The following EIF3H variants were observed in gnomAD, a reference collection of about 807,000 sequenced individuals.
The protein encoded by EIF3H is eukaryotic translation initiation factor 3 subunit H.
EIF3H carries 26 observed loss-of-function variants against 44.2 expected under a neutral mutation model. That is an observed-to-expected ratio of 0.59 (90% CI 0.43 to 0.82). The LOEUF (loss-of-function observed/expected upper bound fraction) is 0.82. Among genes scored for constraint, EIF3H ranks in the 40% least tolerant of loss-of-function variants. The probability of loss-of-function intolerance (pLI) is 0.00; values close to 1 mark genes in which losing one functional copy is unlikely to be tolerated. For synonymous variants in EIF3H, 166 were observed against 151.9 expected (o/e 1.09, Z -0.68); for missense variants, 359 against 432.8 (o/e 0.83, Z 1.51).
chr8:116,755,543 A>G, intron 1 of EIF3H, 123 bp downstream of exon 1: 1 of 1,286,398 alleles, frequency 7.8e-7, no homozygotes, highest in Non-Finnish European at 1.1e-6. Context: ...GAAACGTACT[A>G]GGGAAAAACT....
chr8:116,713,661 C>A (rs919707243), intron 2 of EIF3H, among the ~76,000 whole-genome samples: 2 of 151,980 alleles, frequency 1.3e-5, no homozygotes, highest in Non-Finnish European at 2.9e-5. Context: ...AACCAAAAAC[C>A]AAACACATAA....
At chr8:116,654,180 A>G (rs1482489251) in intron 5 of EIF3H, among the ~76,000 whole-genome samples, 1 of 152,228 alleles carries the variant, frequency 6.6e-6, no homozygotes, top group Non-Finnish European at 1.5e-5. Context: ...TACACTTTAA[A>G]TAACTTCATA....
At chr8:116,646,445 C>T in intron 7 of EIF3H, 26 bp downstream of exon 7, 1 of 1,613,918 alleles carries the variant, frequency 6.2e-7, no homozygotes, top group South Asian at 1.1e-5. Context: ...ACAAAACCAG[C>T]CAGGTTTTGC....
chr8:116,704,515 G>A (rs1814435136), intron 2 of EIF3H, among the ~76,000 whole-genome samples: 1 of 152,160 alleles, frequency 6.6e-6, no homozygotes, highest in African/African-American at 2.4e-5. Context: ...AAAATTTCTT[G>A]TTGCTGTGTT....
intron 1 of EIF3H, chr8:116,737,135 C>A: frequency 3.2e-6 from 1 of 316,990 alleles, no homozygotes. Flanking sequence ...TTCACACTAC[C>A]CAATATTCTA....
At chr8:116,750,933 C>G (rs965377973) in intron 1 of EIF3H, among the ~76,000 whole-genome samples, 4 of 151,976 alleles carry the variant, frequency 2.6e-5, no homozygotes, top group Non-Finnish European at 4.4e-5. Flanking sequence ...AAGTATGAGG[C>G]CGGGCACGGT....
rs186683493 is a variant in EIF3H at position 116,693,362 on chromosome 8, T to C, written c.289+32654A>G. Reference sequence around the variant, plus strand: ...TGAGGAGTGCTACTCTTCAGGGCCATTTTTTTTTCCAGAAATAAAGTTTCA... The same window carrying C: ...TGAGGAGTGCTACTCTTCAGGGCCACTTTTTTTTCCAGAAATAAAGTTTCA... On this transcript the variant is annotated intron_variant, in intron 2 of 7. Transcript: ENST00000521861. 1.4e-3 allele frequency among the ~76,000 whole-genome samples: 214 copies of C among 151,816 alleles called. 1 individual carries two copies. Among genetic ancestry groups the C allele is most frequent in the Middle Eastern group, 6.8e-3 (2 of 294 alleles).
chr8:116,666,456 A>G (rs1178871952), intron 2 of EIF3H, among the ~76,000 whole-genome samples: 1 of 152,178 alleles, frequency 6.6e-6, no homozygotes, highest in Non-Finnish European at 1.5e-5. Flanking sequence ...CTTCTTAACC[A>G]AATCATGAAA....
At chr8:116,667,136 T>G (rs2130809483) in intron 2 of EIF3H, among the ~76,000 whole-genome samples, 1 of 152,298 alleles carries the variant, frequency 6.6e-6, no homozygotes, top group East Asian at 1.9e-4. Context: ...AATCAGGCCA[T>G]GGATATTCTG....
chr8:116,692,525 C>T (rs939197979), intron 2 of EIF3H, among the ~76,000 whole-genome samples: 36 of 152,282 alleles, frequency 2.4e-4, no homozygotes, highest in African/African-American at 8.2e-4. Flanking sequence ...TCTAACCTAA[C>T]TGGAACTTGA....
chr8:116,754,531 T>C (rs929435980), intron 1 of EIF3H, among the ~76,000 whole-genome samples: 5 of 152,242 alleles, frequency 3.3e-5, no homozygotes, highest in Non-Finnish European at 7.3e-5. Context: ...TAATCATAAT[T>C]AACATTAAGT....
At chr8:116,655,317 G>A (rs1249652511) in intron 5 of EIF3H, among the ~76,000 whole-genome samples, 2 of 150,682 alleles carry the variant, frequency 1.3e-5, no homozygotes, top group South Asian at 2.1e-4. Flanking sequence ...GGAGGAAATC[G>A]TTATCACCAA....
At chr8:116,664,825 CAAAT>C (rs1369076194) in intron 2 of EIF3H, among the ~76,000 whole-genome samples, 2 of 152,034 alleles carry the variant, frequency 1.3e-5, no homozygotes, top group Non-Finnish European at 2.9e-5. Flanking sequence ...AATATTTTAT[CAAAT>C]AAATCCAAAT....
At chr8:116,671,404 C>G (rs1325203485) in intron 2 of EIF3H, among the ~76,000 whole-genome samples, 1 of 152,192 alleles carries the variant, frequency 6.6e-6, no homozygotes, top group Non-Finnish European at 1.5e-5. Flanking sequence ...GTAATATCAT[C>G]TTAACAACAA....
intron 2 of EIF3H, among the ~76,000 whole-genome samples, chr8:116,703,095 T>C (rs1206711076): frequency 6.6e-6 from 1 of 152,208 alleles, no homozygotes; most frequent in East Asian, 1.9e-4. Flanking sequence ...AAAATAAGAA[T>C]AGTTGTATTA....
intron 1 of EIF3H, among the ~76,000 whole-genome samples, chr8:116,728,421 T>C (rs932142197): frequency 1.3e-5 from 2 of 152,014 alleles, no homozygotes; most frequent in African/African-American, 4.8e-5. Context: ...TAAAAGTAGG[T>C]TTTTAAACCT....
intron 2 of EIF3H, among the ~76,000 whole-genome samples, chr8:116,723,584 C>T (rs963284904): frequency 1.3e-5 from 2 of 152,162 alleles, no homozygotes; most frequent in Non-Finnish European, 2.9e-5. Context: ...TTCACTTTAG[C>T]AAGCATATAC....
chr8:116,722,566 T>C (rs1431156003), intron 2 of EIF3H, among the ~76,000 whole-genome samples: 1 of 152,152 alleles, frequency 6.6e-6, no homozygotes, highest in Non-Finnish European at 1.5e-5. Flanking sequence ...ACTACATATG[T>C]ATGTATCTTT....
At chr8:116,661,850 A>G (rs1206913739) in intron 2 of EIF3H, among the ~76,000 whole-genome samples, 1 of 152,176 alleles carries the variant, frequency 6.6e-6, no homozygotes. Flanking sequence ...TAAGAATGAA[A>G]ATGAAACGTT....
Sources: gnomAD v4.1 joint callset for allele counts (sites outside exome capture counted in the v4.1 genomes callset) on GRCh38, gnomAD v4.1.1 for gene constraint, MANE v1.5 for transcripts, NCBI Gene and HGNC (gene_info 2026-07-23, HGNC 2026-07-21) for gene names.